MYO16: variants seen among roughly 807,000 people sequenced by gnomAD.
MYO16 encodes myosin XVI.
Under a neutral mutation model 205.3 loss-of-function variants are expected in MYO16, and 94 were observed. The observed-to-expected ratio is 0.46, with a 90% confidence interval of 0.39 to 0.54. The LOEUF is 0.54. Among genes scored for constraint, MYO16 ranks in the 20% least tolerant of loss-of-function variants. The probability of loss-of-function intolerance (pLI) is 0.00; values close to 1 mark genes in which losing one functional copy is unlikely to be tolerated. For synonymous variants in MYO16, 988 were observed against 954.0 expected, an observed-to-expected ratio of 1.04 and a Z score of -0.66; for missense variants, 2,315 against 2,387.5, an observed-to-expected ratio of 0.97 and a Z score of 0.63.
At chr13:108,510,470 T>TTTTG in the MYO16 span, among the ~76,000 whole-genome samples, 8 of 129,540 alleles carry the variant, frequency 6.2e-5, no homozygotes, top group Non-Finnish European at 1.2e-4. Flanking sequence ...TGTTTTTTTT[T>TTTTG]TTTTTTTTTT....
intron 7 of MYO16, among the ~76,000 whole-genome samples, chr13:108,807,030 TAATC>T (rs896659547): frequency 3.9e-5 from 6 of 152,180 alleles, no homozygotes; most frequent in African/African-American, 1.4e-4. Context: ...ATTGAAGAAA[TAATC>T]AAAATCTGTA....
intron 5 of MYO16, among the ~76,000 whole-genome samples, chr13:108,792,517 T>TTC (rs1245295914): frequency 2.0e-5 from 3 of 150,934 alleles, no homozygotes; most frequent in Non-Finnish European, 4.4e-5. Context: ...AATGTCTTTT[T>TTC]TTTTTTTTTT....
chr13:108,997,635 T>C (rs896471131), intron 21 of MYO16, among the ~76,000 whole-genome samples: 1 of 151,908 alleles, frequency 6.6e-6, no homozygotes, highest in Non-Finnish European at 1.5e-5. Flanking sequence ...AGTCAGGAGT[T>C]CAAGACCAGC....
intron 6 of MYO16, among the ~76,000 whole-genome samples, chr13:108,794,952 T>C (rs772512456): frequency 9.2e-5 from 14 of 152,138 alleles, no homozygotes; most frequent in Non-Finnish European, 2.1e-4. Flanking sequence ...TCTGAAAAGT[T>C]TCCTTGAGTA....
intron 4 of MYO16, among the ~76,000 whole-genome samples, chr13:108,760,756 G>A (rs1885578729): frequency 6.6e-6 from 1 of 152,150 alleles, no homozygotes; most frequent in African/African-American, 2.4e-5. Context: ...GGAAGAGGAA[G>A]GAGGAGGTGG....
intron 28 of MYO16, among the ~76,000 whole-genome samples, chr13:109,114,585 T>C (rs1837531075): frequency 6.6e-6 from 1 of 152,190 alleles, no homozygotes; most frequent in African/African-American, 2.4e-5. Flanking sequence ...TGCACCTCCT[T>C]TGTAGATTAT....
Position 108,740,029 on chromosome 13 carries a change from C to T in MYO16, c.507+12446C>T, listed in dbSNP as rs1340180659. On this transcript the variant is annotated intron_variant, in intron 4 of 34. Transcript: ENST00000457511. ...TCTGTACACTGGTTATTCTAGTTAG[C>T]CATTCGTCTAATCTTTTTTAGAGGT... Among the ~76,000 whole-genome samples the T allele has an allele frequency of 2.0e-5, 3 of 152,108 alleles. No homozygotes were observed. In the East Asian group the frequency reaches 5.8e-4, roughly 29 times the overall value.
rs1004603208 is a variant in MYO16, at chr13:109,127,504, G to T, written c.4005G>T (p.Glu1335Asp). The T allele has an allele frequency of 4.3e-6, 7 of 1,613,108 alleles. No individual in the cohort carries two copies. The highest frequency in any genetic ancestry group is 5.9e-6 in the Non-Finnish European group (7 of 1,179,914). Residue 1335 changes from glutamate (E) to aspartate (D), a missense_variant, in exon 31 of 35, where the codon GAG (glutamate) becomes GAT (aspartate). This residue lies in a region of MYO16 where 1,097 missense variants were observed against 1,092.0 expected (regional missense o/e 1.00). Coordinates refer to ENST00000457511, the MANE Select transcript of MYO16 (RefSeq NM_001198950.3). This position sits in a 1 kb window ranked among gnomAD's most constrained non-coding sequence, Gnocchi z 4.2. ...DPNTRLSASY[E>D]AVSACLSAAR... ...ACACCCGGCTGAGTGCTTCCTATGA[G>T]GCTGTGAGCGCCTGCCTCTCCGCGG... is the stretch of plus-strand genomic sequence containing the variant.
At position 108,844,422 on chromosome 13, in the gene MYO16, C is replaced by A; in HGVS notation, c.1177C>A (p.Leu393Met). The change falls in exon 10 of 35, where the codon CTG becomes ATG. Residue 393 changes from leucine to methionine, a missense_variant. Leu to Met is a conservative substitution (Grantham distance 15). Around this residue, in one of 3 missense-constraint regions of MYO16, gnomAD observed 1,213 missense variants for 1,274.4 expected, o/e 0.95. Transcript: ENST00000457511. ...TATGTTCAAAGATGCAACAAAAGGT[C>A]TGTGTAAGCAGCAGTCTCAGGACAG... ...DIMFKDATKG[L>M]CKQQSQDSIP... The A allele has an allele frequency of 1.2e-6, 2 of 1,613,272 alleles. No individual in the cohort carries two copies. Among genetic ancestry groups the A allele is most frequent in the Non-Finnish European group, 1.7e-6 (2 of 1,179,382 alleles).
At chr13:108,604,031 A>G (rs571686034) in intron 1 of MYO16, among the ~76,000 whole-genome samples, 2 of 152,252 alleles carry the variant, frequency 1.3e-5, no homozygotes, top group African/African-American at 4.8e-5. Context: ...GGAAGCAAAT[A>G]TGTCCTTCTT....
chr13:108,529,171 T>C, the MYO16 span, among the ~76,000 whole-genome samples: 3 of 152,166 alleles, frequency 2.0e-5, no homozygotes, highest in African/African-American at 4.8e-5. Flanking sequence ...TATTTCCTTA[T>C]ATTTTTTATT....
chr13:108,675,502 A>G (rs1033297148), intron 2 of MYO16, among the ~76,000 whole-genome samples: 3 of 152,206 alleles, frequency 2.0e-5, no homozygotes, highest in Admixed American at 2.0e-4. Context: ...TCTAAGAAAT[A>G]TTATTTTAAT....
At position 109,125,714 on chromosome 13, in the gene MYO16, G is replaced by A. The variant is rs753629821; in HGVS notation, c.3782+356G>A. 2.0e-5 allele frequency among the ~76,000 whole-genome samples: 3 copies of A among 152,172 alleles called. No individual in the cohort carries two copies. The highest frequency in any genetic ancestry group is 4.4e-5 in the Non-Finnish European group (3 of 68,044). ...TTGACATTTTTACACAAGCGTTACG[G>A]ATATAAGGCTGGCTTATAGAAACTT... On this transcript the variant is annotated intron_variant, in intron 30 of 34. Transcript: ENST00000457511. This position sits in a 1 kb window ranked among gnomAD's most constrained non-coding sequence, Gnocchi z 4.0.
intron 2 of MYO16, among the ~76,000 whole-genome samples, chr13:108,691,863 C>T (rs1439103930): frequency 6.6e-6 from 1 of 152,132 alleles, no homozygotes; most frequent in Non-Finnish European, 1.5e-5. Flanking sequence ...GGGAAAATAG[C>T]TGGGACTATT....
intron 1 of MYO16, among the ~76,000 whole-genome samples, chr13:108,605,603 G>T (rs1348586186): frequency 6.6e-6 from 1 of 152,160 alleles, no homozygotes; most frequent in Non-Finnish European, 1.5e-5. Context: ...ATGCCATCAT[G>T]TGAAGAAGGA....
the MYO16 span, among the ~76,000 whole-genome samples, chr13:108,524,711 C>T: frequency 6.6e-6 from 1 of 152,078 alleles, no homozygotes; most frequent in East Asian, 1.9e-4. Context: ...CATCATTCTC[C>T]ACTATGAAAA....
chr13:108,904,128 G>A lies in MYO16; in HGVS notation c.1778-5875G>A, dbSNP rs571755019. Among the ~76,000 whole-genome samples, 3 of 152,136 alleles carry A rather than the reference G, an allele frequency of 2.0e-5. No homozygotes were observed. In the East Asian group the frequency reaches 5.8e-4, roughly 29 times the overall value. On this transcript the variant is annotated intron_variant, in intron 15 of 34. Transcript: ENST00000457511. ...ACAGATCATAGTATAAAAAATACCA[G>A]GCTCAGCTTTATGAAACATGAGCTG...
chr13:109,131,433 T>C (rs1342042988), intron 31 of MYO16, among the ~76,000 whole-genome samples: 1 of 152,256 alleles, frequency 6.6e-6, no homozygotes, highest in African/African-American at 2.4e-5. Flanking sequence ...AGCAATTTTT[T>C]CTCATTTCCT....
chr13:109,084,285 A>G (rs1888370416), intron 27 of MYO16, among the ~76,000 whole-genome samples: 1 of 152,244 alleles, frequency 6.6e-6, no homozygotes, highest in African/African-American at 2.4e-5. Context: ...TAATGACTGC[A>G]TCTGTTCCCT....
Sources: gnomAD v4.1 joint callset for allele counts (sites outside exome capture counted in the v4.1 genomes callset) on GRCh38, gnomAD v4.1.1 for gene constraint, gnomAD v4.1.1 regional missense constraint, Gnocchi (gnomAD v3.1) non-coding constraint, MANE v1.5 for transcripts, NCBI Gene and HGNC (gene_info 2026-07-23, HGNC 2026-07-21) for gene names.